The following CSRNP3 variants were observed in gnomAD, a reference collection of about 807,000 sequenced individuals.
The protein encoded by CSRNP3 is cysteine/serine-rich nuclear protein 3.
CSRNP3 carries 12 observed loss-of-function variants against 48.0 expected under a neutral mutation model. That is an observed-to-expected ratio of 0.25 (90% CI 0.16 to 0.41). CSRNP3 has a LOEUF of 0.41. Among genes scored for constraint, CSRNP3 ranks in the 10% least tolerant of loss-of-function variants. CSRNP3 has a pLI of 1.00. For synonymous variants in CSRNP3, 263 were observed against 269.7 expected (o/e 0.98, Z 0.24); for missense variants, 580 against 724.4 (o/e 0.80, Z 2.29).
chr2:165,500,551 G>A (rs1461580310), intron 2 of CSRNP3, among the ~76,000 whole-genome samples: 10 of 151,522 alleles, frequency 6.6e-5, no homozygotes, highest in East Asian at 2.0e-4. Context: ...TCCACCTCCC[G>A]GGCTCAAGTG....
chr2:165,591,660 A>T (rs185679727), intron 3 of CSRNP3, among the ~76,000 whole-genome samples: 1 of 152,296 alleles, frequency 6.6e-6, no homozygotes. Flanking sequence ...CGGCCAAAGT[A>T]CAGCTCAGGC....
intron 3 of CSRNP3, among the ~76,000 whole-genome samples, chr2:165,578,318 A>G (rs1320466164): frequency 6.6e-6 from 1 of 152,084 alleles, no homozygotes; most frequent in Non-Finnish European, 1.5e-5. Context: ...TCATTTAGAA[A>G]TGCATTTAGC....
intron 1 of CSRNP3, 125 bp downstream of exon 1, chr2:165,469,865 G>A (rs916511920): frequency 1.3e-5 from 2 of 152,126 alleles, no homozygotes; most frequent in Non-Finnish European, 2.9e-5. Flanking sequence ...TTCTGAAAGT[G>A]TGTCCCTTTT....
chr2:165,642,248 A>G (rs527732235), intron 4 of CSRNP3, among the ~76,000 whole-genome samples: 2 of 152,290 alleles, frequency 1.3e-5, no homozygotes, highest in African/African-American at 4.8e-5. Context: ...AAAGAGCTTT[A>G]TACTGATTCT....
chr2:165,604,002 T>G (rs1685968133), intron 4 of CSRNP3, among the ~76,000 whole-genome samples: 1 of 152,244 alleles, frequency 6.6e-6, no homozygotes, highest in Non-Finnish European at 1.5e-5. Flanking sequence ...TAATGTAAGC[T>G]TATTAAAAGC....
chr2:165,635,846 C>T (rs186780540), intron 4 of CSRNP3, among the ~76,000 whole-genome samples: 12 of 152,232 alleles, frequency 7.9e-5, no homozygotes, highest in African/African-American at 2.9e-4. Context: ...GCATGACAAA[C>T]ATGCAACTTT....
chr2:165,593,716 A>G (rs560708801), intron 3 of CSRNP3, among the ~76,000 whole-genome samples: 39 of 152,322 alleles, frequency 2.6e-4, no homozygotes, highest in African/African-American at 8.7e-4. Context: ...AGGATTGACT[A>G]TACTCTGGCG....
At chr2:165,512,071 T>C (rs1243673599) in intron 2 of CSRNP3, among the ~76,000 whole-genome samples, 5 of 152,174 alleles carry the variant, frequency 3.3e-5, no homozygotes, top group African/African-American at 9.7e-5. Flanking sequence ...GTGGAATGAG[T>C]GAAAAATGTG....
At chr2:165,595,021 G>A (rs1355630836) in intron 3 of CSRNP3, 22 bp from the exon 4 acceptor site, 2 of 1,606,724 alleles carry the variant, frequency 1.2e-6, no homozygotes, top group African/African-American at 1.3e-5. Context: ...TCAATGCTCT[G>A]TTGCTCTCCT....
chr2:165,542,680 T>A (rs1162538911), intron 3 of CSRNP3, among the ~76,000 whole-genome samples: 1 of 152,144 alleles, frequency 6.6e-6, no homozygotes, highest in African/African-American at 2.4e-5. Context: ...TAAAGTTAAA[T>A]CTTTAAATAC....
At position 165,599,281 on chromosome 2, in the gene CSRNP3, G is replaced by GAA. The variant is rs1558946008; in HGVS notation, c.148+4069_148+4070insAA. ...AGAAAGAAAAAGAAAGAAAGAGAGA[G>GAA]AGAGAAAGAAAGAAAGAAAGAAAGA... is the stretch of plus-strand genomic sequence containing the variant. On this transcript the variant is annotated intron_variant, in intron 4 of 6. Coordinates refer to ENST00000651982, the MANE Select transcript of CSRNP3 (RefSeq NM_001172173.2). 2.7e-3 allele frequency among the ~76,000 whole-genome samples: 208 copies of GAA among 77,514 alleles called. 1 individual carries two copies. The highest frequency in any genetic ancestry group is 6.4e-3 in the East Asian group (17 of 2,640). The allele number at this position is 77,514 out of a possible 152,430, so 50.9% of individuals were successfully genotyped here.
chr2:165,562,709 G>GCA (rs1685249737), intron 3 of CSRNP3, among the ~76,000 whole-genome samples: 2 of 152,130 alleles, frequency 1.3e-5, no homozygotes, highest in African/African-American at 4.8e-5. Context: ...CATGGTAAAG[G>GCA]TTTGTGGTGG....
intron 3 of CSRNP3, among the ~76,000 whole-genome samples, chr2:165,565,424 T>C (rs1056940864): frequency 6.6e-6 from 1 of 152,070 alleles, no homozygotes; most frequent in African/African-American, 2.4e-5. Context: ...ACCATGAGAA[T>C]TAAGTGCCAC....
intron 2 of CSRNP3, among the ~76,000 whole-genome samples, chr2:165,510,331 G>A (rs1260998915): frequency 2.0e-5 from 3 of 151,752 alleles, no homozygotes; most frequent in Non-Finnish European, 4.4e-5. Flanking sequence ...TCATTTACTT[G>A]TTTACTCAGT....
chr2:165,584,275 G>A (rs933442679), intron 3 of CSRNP3, among the ~76,000 whole-genome samples: 1 of 152,064 alleles, frequency 6.6e-6, no homozygotes, highest in African/African-American at 2.4e-5. Flanking sequence ...AGCTTTCTGG[G>A]AATGCAGCCC....
At chr2:165,638,918 G>A (rs535498165) in intron 4 of CSRNP3, among the ~76,000 whole-genome samples, 5 of 152,242 alleles carry the variant, frequency 3.3e-5, no homozygotes, top group East Asian at 1.9e-4. Flanking sequence ...ATACAGAGCC[G>A]TTGCTCCTGG....
intron 5 of CSRNP3, among the ~76,000 whole-genome samples, chr2:165,666,802 G>T (rs200455295): frequency 6.8e-6 from 1 of 146,162 alleles, no homozygotes; most frequent in African/African-American, 2.5e-5. Flanking sequence ...GAAAGAGAGA[G>T]AGGAAGAAAG....
intron 4 of CSRNP3, among the ~76,000 whole-genome samples, chr2:165,650,162 A>G (rs1011561828): frequency 6.6e-6 from 1 of 152,186 alleles, no homozygotes; most frequent in East Asian, 1.9e-4. Flanking sequence ...CACTTAAACA[A>G]TGTATTACTA....
In CSRNP3 at chr2:165,675,146, T is replaced by C. The variant is rs143321992; in HGVS notation, c.409-1166T>C. Among the ~76,000 whole-genome samples the C allele has an allele frequency of 5.5e-4, 83 of 152,280 alleles. No homozygotes were observed. In the East Asian group the frequency reaches 7.0e-3, roughly 13 times the overall value. The stretch of plus-strand genomic sequence containing the variant: ...AGTTTTCCAGTTTGAGGATTTTTTC[T>C]AATAAAAATTCTTATCTGAATGTTA... On this transcript the variant is annotated intron_variant, in intron 5 of 6. Coordinates refer to ENST00000651982, the MANE Select transcript of CSRNP3 (RefSeq NM_001172173.2).
Sources: allele counts gnomAD v4.1 joint callset (sites outside exome capture counted in the v4.1 genomes callset), GRCh38; gene constraint gnomAD v4.1.1; transcripts MANE v1.5; gene names NCBI Gene and HGNC (gene_info 2026-07-23, HGNC 2026-07-21).